Variants in MLLT1 observed in about 807,000 individuals in gnomAD.
MLLT1 encodes the protein protein ENL.
In MLLT1, 11 loss-of-function variants were observed where a neutral mutation model predicts 55.1. The ratio of observed to expected loss-of-function variants is 0.20; its 90% CI spans 0.13 to 0.33. The LOEUF is 0.33. Among genes scored for constraint, MLLT1 ranks in the 10% least tolerant of loss-of-function variants. MLLT1 has a pLI of 1.00. For missense variants in MLLT1, 536 were observed against 760.6 expected (o/e 0.70, Z 3.47); for synonymous variants, 323 against 320.1 (o/e 1.01, Z -0.10).
rs11553930 is a variant in MLLT1, at chr19:6,212,271, T to G, written c.*771A>C. 0.21 allele frequency: 226,906 copies of G among 1,065,094 alleles called. 25,021 individuals are homozygous for G. The highest frequency in any genetic ancestry group is 0.27 in the Middle Eastern group (652 of 2,402). 66.0% of individuals were successfully genotyped at this position (1,065,094 alleles called of 1,614,324 possible). A position where few individuals can be genotyped will look rare whatever the true frequency, so the allele number is the denominator to read the frequency against. On this transcript the variant is annotated 3_prime_UTR_variant, in exon 12 of 12. Coordinates refer to ENST00000252674, the MANE Select transcript of MLLT1 (RefSeq NM_005934.4). The stretch of plus-strand genomic sequence containing the variant: ...TGGCTGACCCCCCCGGGAGCCCCGG[T>G]AGGAGGCGGCGGCATCCTTGGAACG...
chr19:6,265,072 A>AAAAAAAAAAAAAAAAAAAAAC (rs2091338569), intron 2 of MLLT1, among the ~76,000 whole-genome samples: 1 of 145,324 alleles, frequency 6.9e-6, no homozygotes, highest in African/African-American at 2.5e-5. Flanking sequence ...AAACAAAAAA[A>AAAAAAAAAAAAAAAAAAAAAC]AACATGATGT....
rs1179461852 is a variant in MLLT1, at chr19:6,270,823, T to A, written c.13-64A>T. 1.4e-6 allele frequency: 2 copies of A among 1,478,518 alleles called. No homozygotes were observed. The highest frequency in any genetic ancestry group is 1.4e-5 in the African/African-American group (1 of 71,332). The allele number at this position is 1,478,518 out of a possible 1,614,324, so 91.6% of individuals were successfully genotyped here. On this transcript the variant is annotated intron_variant, in intron 1 of 11. Transcript: ENST00000252674. This position sits in a 1 kb window ranked among gnomAD's most constrained non-coding sequence, Gnocchi z 7.1. ...GCCTCCAAGCAGGGGACTGTCCCCT[T>A]ACCCACAGAGAACTTTCGATAAAGA...
chr19:6,276,295 T>C (rs1458380845), intron 1 of MLLT1, among the ~76,000 whole-genome samples: 4 of 152,038 alleles, frequency 2.6e-5, no homozygotes, highest in African/African-American at 7.3e-5. Flanking sequence ...TCGGGCAGGT[T>C]TGGGGAGCAG....
chr19:6,211,017 T>C lies in MLLT1; in HGVS notation c.*2025A>G, dbSNP rs1252197311. 2.2e-5 allele frequency: 5 copies of C among 230,268 alleles called. No individual in the cohort carries two copies. The highest frequency in any genetic ancestry group is 3.4e-5 in the Non-Finnish European group (4 of 116,994). The allele number at this position is 230,268 out of a possible 1,614,324, so 14.3% of individuals were successfully genotyped here. On this transcript the variant is annotated 3_prime_UTR_variant, in exon 12 of 12. Coordinates refer to ENST00000252674, the MANE Select transcript of MLLT1 (RefSeq NM_005934.4). This position sits in a 1 kb window ranked among gnomAD's most constrained non-coding sequence, Gnocchi z 4.6. The stretch of plus-strand genomic sequence containing the variant: ...CAGGCGGGGGAGCCCGACCCTCCTC[T>C]GGCTGAGTGGAAGGCTGCTCGAGTC...
intron 8 of MLLT1, among the ~76,000 whole-genome samples, chr19:6,215,249 TGG>T (rs1326798201): frequency 3.3e-5 from 5 of 152,236 alleles, no homozygotes; most frequent in Admixed American, 1.3e-4. Context: ...GCTTCGCGTG[TGG>T]CTCGGTCCCT....
chr19:6,216,352 C>CG, intron 8 of MLLT1, 53 bp downstream of exon 8: 1 of 1,335,852 alleles, frequency 7.5e-7, no homozygotes, highest in Non-Finnish European at 1.1e-6. Flanking sequence ...CAGACCCAGC[C>CG]GGAGTCGCCC....
At chr19:6,218,156 C>A (rs916839102) in intron 6 of MLLT1, 115 bp from the exon 7 acceptor site, 57 of 1,429,904 alleles carry the variant, frequency 4.0e-5, no homozygotes, top group African/African-American at 5.8e-5. Flanking sequence ...CCCCCAGACA[C>A]CCCTAGGGTC....
Position 6,226,728 on chromosome 19 carries a change from G to A in MLLT1, c.546+249C>T, listed in dbSNP as rs2090960267. 6.6e-6 allele frequency among the ~76,000 whole-genome samples: 1 copy of A among 152,192 alleles called. No homozygotes were observed. Among genetic ancestry groups the A allele is most frequent in the Non-Finnish European group, 1.5e-5 (1 of 68,046 alleles). On this transcript the variant is annotated intron_variant, in intron 5 of 11. Coordinates refer to ENST00000252674, the MANE Select transcript of MLLT1 (RefSeq NM_005934.4). This position sits in a 1 kb window ranked among gnomAD's most constrained non-coding sequence, Gnocchi z 6.3. ...GCCCTGCCATCACTTGGCAGAACGG[G>A]AGAGGACTAGGCAGGGTCTCTGGCC...
chr19:6,222,324 T>C lies in MLLT1; in HGVS notation c.907A>G (p.Ser303Gly), dbSNP rs1174631788. ...GCACTCCGGGACCCCTTCGAGCTGCTCTTCTTCTGCTTCTTGGCGCTGGGC... is the reference window on the plus strand; with the variant it reads ...GCACTCCGGGACCCCTTCGAGCTGCCCTTCTTCTGCTTCTTGGCGCTGGGC... ...PKPSAKKQKK[S>G]SSKGSRSAPG... Residue 303 changes from serine (S) to glycine (G), a missense_variant, in exon 6 of 12, where the codon AGC becomes GGC. Around this residue, in one of 3 missense-constraint regions of MLLT1, gnomAD observed 449 missense variants for 489.0 expected, o/e 0.92. Coordinates refer to ENST00000252674, the MANE Select transcript of MLLT1 (RefSeq NM_005934.4). The surrounding 1 kb of genome is among the most constrained non-coding windows in gnomAD (Gnocchi z 4.1). 6.4e-7 allele frequency: 1 copy of C among 1,557,244 alleles called. No individual in the cohort carries two copies. Among genetic ancestry groups the C allele is most frequent in the Non-Finnish European group, 8.7e-7 (1 of 1,149,272 alleles).
chr19:6,262,405 C>T lies in MLLT1; in HGVS notation c.194-95G>A. 9.7e-7 allele frequency: 1 copy of T among 1,035,016 alleles called. No individual in the cohort carries two copies. The highest frequency in any genetic ancestry group is 1.4e-5 in the South Asian group (1 of 73,412). The allele number at this position is 1,035,016 out of a possible 1,614,324, so 64.1% of individuals were successfully genotyped here. On this transcript the variant is annotated intron_variant, in intron 2 of 11. Transcript: ENST00000252674. The surrounding 1 kb of genome is among the most constrained non-coding windows in gnomAD (Gnocchi z 4.4). Reference sequence around the variant, plus strand: ...ACCGCACCCCTCAACCCCACCACCTCCTCACAGGGGCTTGGCTGGCCTCTC... The same window carrying T: ...ACCGCACCCCTCAACCCCACCACCTTCTCACAGGGGCTTGGCTGGCCTCTC...
chr19:6,222,394 T>TGG lies in MLLT1; in HGVS notation c.835_836dup (p.Pro280HisfsTer63). ...CCGGCCGCTTGCTGGAAGCCCGGGG[T>TGG]GGGGGTGGGGGTGGGGGTGGGGGCC... On this transcript the variant is annotated frameshift_variant, in exon 6 of 12. Transcript: ENST00000252674. LOFTEE classifies it high-confidence loss of function. This position sits in a 1 kb window ranked among gnomAD's most constrained non-coding sequence, Gnocchi z 4.1. 1 of 154,324 alleles carries TGG rather than the reference T, an allele frequency of 6.5e-6. No homozygotes were observed. The highest frequency in any genetic ancestry group is 1.6e-4 in the South Asian group (1 of 6,240). 9.6% of individuals were successfully genotyped at this position (154,324 alleles called of 1,614,324 possible). A position where few individuals can be genotyped will look rare whatever the true frequency, so the allele number is the denominator to read the frequency against.
chr19:6,250,012 C>T (rs1029620986), intron 3 of MLLT1, among the ~76,000 whole-genome samples: 2 of 151,770 alleles, frequency 1.3e-5, no homozygotes, highest in Non-Finnish European at 2.9e-5. Flanking sequence ...CAGAGTGAGA[C>T]CCTGTTTCAA....
intron 7 of MLLT1, 24 bp downstream of exon 7, chr19:6,217,930 C>T (rs1568275360): frequency 3.8e-6 from 6 of 1,583,960 alleles, no homozygotes; most frequent in South Asian, 1.1e-5. Flanking sequence ...CCATCCGTGC[C>T]CCCCAGCTGC....
In MLLT1 at chr19:6,230,036, C is replaced by T. The variant is rs1430100646; in HGVS notation, c.420+534G>A. On this transcript the variant is annotated intron_variant, in intron 4 of 11. Coordinates refer to ENST00000252674, the MANE Select transcript of MLLT1 (RefSeq NM_005934.4). This position sits in a 1 kb window ranked among gnomAD's most constrained non-coding sequence, Gnocchi z 9.0. ...CCCTCCTCCATAACCACCACCAGCC[C>T]TGCGCCCACCCTGTTGCCAAGAGCC... is the stretch of plus-strand genomic sequence containing the variant. 6.6e-6 allele frequency among the ~76,000 whole-genome samples: 1 copy of T among 152,104 alleles called. No individual in the cohort carries two copies. Among genetic ancestry groups the T allele is most frequent in the Non-Finnish European group, 1.5e-5 (1 of 68,016 alleles).
chr19:6,227,734 C>T lies in MLLT1; in HGVS notation c.421-632G>A, dbSNP rs2090968879. Among the ~76,000 whole-genome samples the T allele has an allele frequency of 2.6e-5, 4 of 152,308 alleles. No homozygotes were observed. In the South Asian group the frequency reaches 8.3e-4, roughly 32 times the overall value. On this transcript the variant is annotated intron_variant, in intron 4 of 11. Coordinates refer to ENST00000252674, the MANE Select transcript of MLLT1 (RefSeq NM_005934.4). This position sits in a 1 kb window ranked among gnomAD's most constrained non-coding sequence, Gnocchi z 5.1. ...AGCCTGCAGCATGGGGCACCTGCTC[C>T]TGCGCTCCATCAGAGGCTACGGATG... is the stretch of plus-strand genomic sequence containing the variant.
At position 6,222,063 on chromosome 19, in the gene MLLT1, G is replaced by T; in HGVS notation, c.1110+58C>A. The stretch of plus-strand genomic sequence containing the variant: ...CACCTCCTTCCGCTGTTCCAGAAGG[G>T]AGGCGGGTCCCACCACACTGCCTGC... On this transcript the variant is annotated intron_variant, in intron 6 of 11. Transcript: ENST00000252674. The surrounding 1 kb of genome is among the most constrained non-coding windows in gnomAD (Gnocchi z 4.1). 2 of 1,371,168 alleles carry T rather than the reference G, an allele frequency of 1.5e-6. No homozygotes were observed. The highest frequency in any genetic ancestry group is 5.3e-5 in the East Asian group (2 of 37,770). The allele number at this position is 1,371,168 out of a possible 1,614,324, so 84.9% of individuals were successfully genotyped here.
chr19:6,239,538 C>T lies in MLLT1; in HGVS notation c.277-8825G>A, dbSNP rs2091095691. Among the ~76,000 whole-genome samples the T allele has an allele frequency of 2.6e-5, 4 of 152,212 alleles. No homozygotes were observed. In the South Asian group the frequency reaches 8.3e-4, roughly 31 times the overall value. Reference sequence around the variant, plus strand: ...GGTGTGAGTCACACTCACGCCCACACATGCACACACGCATGCGTACACACA... The same window carrying T: ...GGTGTGAGTCACACTCACGCCCACATATGCACACACGCATGCGTACACACA... On this transcript the variant is annotated intron_variant, in intron 3 of 11. Coordinates refer to ENST00000252674, the MANE Select transcript of MLLT1 (RefSeq NM_005934.4).
intron 3 of MLLT1, among the ~76,000 whole-genome samples, chr19:6,234,308 G>A (rs1228697607): frequency 6.6e-6 from 1 of 152,256 alleles, no homozygotes; most frequent in African/African-American, 2.4e-5. Flanking sequence ...CGGAGGGGGA[G>A]CCCTGTCCGG....
rs934764705 is a variant in MLLT1, at chr19:6,229,356, T to C, written c.420+1214A>G. Among the ~76,000 whole-genome samples, 6 of 151,992 alleles carry C rather than the reference T, an allele frequency of 3.9e-5. No homozygotes were observed. The highest frequency in any genetic ancestry group is 3.3e-4 in the Admixed American group (5 of 15,262). ...AGCAGGACTCACTCAAGCTTCTACA[T>C]GGACAGACGCCTCCTTCTTCTTAGG... is the stretch of plus-strand genomic sequence containing the variant. On this transcript the variant is annotated intron_variant, in intron 4 of 11. Transcript: ENST00000252674. This position sits in a 1 kb window ranked among gnomAD's most constrained non-coding sequence, Gnocchi z 5.2.
Sources: allele counts gnomAD v4.1 joint callset (sites outside exome capture counted in the v4.1 genomes callset), GRCh38; gene constraint gnomAD v4.1.1; regional missense constraint gnomAD v4.1.1; non-coding constraint Gnocchi (gnomAD v3.1); transcripts MANE v1.5; gene names NCBI Gene and HGNC (gene_info 2026-07-23, HGNC 2026-07-21).